Variants in DCLK1 observed in about 807,000 individuals in gnomAD.
DCLK1 encodes serine/threonine-protein kinase DCLK1.
A neutral mutation model predicts 86.2 loss-of-function variants in DCLK1; 16 were observed. That is an observed-to-expected ratio of 0.19 (90% CI 0.13 to 0.28). The LOEUF (loss-of-function observed/expected upper bound fraction) is 0.28, where lower values mean the gene tolerates loss of function less well. Ranked by LOEUF, DCLK1 falls within the 10% of genes least tolerant of loss-of-function variation. The pLI is 1.00. For missense variants in DCLK1, 590 were observed against 940.2 expected (o/e 0.63, Z 4.87); for synonymous variants, 369 against 370.5 (o/e 1.00, Z 0.05).
intron 3 of DCLK1, among the ~76,000 whole-genome samples, chr13:35,977,707 T>C (rs1011955887): frequency 2.0e-5 from 3 of 152,040 alleles, no homozygotes; most frequent in Middle Eastern, 3.4e-3. Flanking sequence ...TGAGAACAAA[T>C]GATTAGGTTT....
chr13:36,043,250 C>A (rs1282556907), intron 3 of DCLK1, among the ~76,000 whole-genome samples: 2 of 151,440 alleles, frequency 1.3e-5, no homozygotes, highest in Non-Finnish European at 2.9e-5. Flanking sequence ...TAAGACATTA[C>A]ATCCACAAAA....
chr13:35,809,778 C>G (rs555875050), intron 12 of DCLK1, among the ~76,000 whole-genome samples: 13 of 152,296 alleles, frequency 8.5e-5, no homozygotes, highest in African/African-American at 3.1e-4. Context: ...TCAAATTTGC[C>G]AAGTAGCAAA....
intron 3 of DCLK1, among the ~76,000 whole-genome samples, chr13:36,046,898 TC>T (rs1454466772): frequency 2.6e-5 from 4 of 152,176 alleles, no homozygotes; most frequent in Non-Finnish European, 5.9e-5. Flanking sequence ...ATCAGCTGTT[TC>T]CTGGGCAGCT....
At chr13:35,982,994 G>C (rs1190061466) in intron 3 of DCLK1, among the ~76,000 whole-genome samples, 4 of 152,058 alleles carry the variant, frequency 2.6e-5, no homozygotes, top group African/African-American at 9.7e-5. Context: ...CAACTCCTGA[G>C]CTCAAGTGAT....
At chr13:35,846,341 C>T (rs1870174896) in intron 6 of DCLK1, 10 of 985,284 alleles carry the variant, frequency 1.0e-5, no homozygotes, top group Non-Finnish European at 1.2e-5. Context: ...CTCAAAAACA[C>T]ATCACAGAAA....
chr13:35,893,401 T>A (rs928284515), intron 4 of DCLK1, among the ~76,000 whole-genome samples: 15 of 152,266 alleles, frequency 9.9e-5, no homozygotes, highest in African/African-American at 3.4e-4. Flanking sequence ...TTAACAACTT[T>A]GACAAAGTCA....
chr13:35,791,090 A>T (rs2086700314), intron 16 of DCLK1, among the ~76,000 whole-genome samples: 1 of 152,190 alleles, frequency 6.6e-6, no homozygotes, highest in Non-Finnish European at 1.5e-5. Context: ...TCATGTACAT[A>T]GTATGGTAGA....
chr13:36,109,376 G>C (rs1306639904), intron 3 of DCLK1, among the ~76,000 whole-genome samples: 4 of 152,174 alleles, frequency 2.6e-5, no homozygotes, highest in Non-Finnish European at 5.9e-5. Context: ...ACATCAGTTT[G>C]GTGCCTTAAC....
chr13:35,871,394 C>A, intron 4 of DCLK1, 54 bp from the exon 5 acceptor site: 1 of 1,371,708 alleles, frequency 7.3e-7, no homozygotes, highest in Non-Finnish European at 1.0e-6. Flanking sequence ...ACACACACAC[C>A]AACTCAAAAT....
chr13:35,872,568 T>C (rs1872343936), intron 4 of DCLK1, among the ~76,000 whole-genome samples: 1 of 152,212 alleles, frequency 6.6e-6, no homozygotes, highest in Admixed American at 6.5e-5. Flanking sequence ...ATCACTCCCT[T>C]AGGACAGATT....
In DCLK1 at chr13:35,793,392, T is replaced by C. The variant is rs2153099583; in HGVS notation, c.2032A>G (p.Thr678Ala). The C allele has an allele frequency of 6.2e-7, 1 of 1,609,082 alleles. No individual in the cohort carries two copies. The highest frequency in any genetic ancestry group is 8.5e-7 in the Non-Finnish European group (1 of 1,177,376). ...GCTATGACAGAAACTCCAGCTGCTGTGCTATTCGGCTTGGGGCCTGTGTTG... is the reference window on the plus strand; with the variant it reads ...GCTATGACAGAAACTCCAGCTGCTGCGCTATTCGGCTTGGGGCCTGTGTTG... ...HFNTGPKPNS[T>A]AAGVSVIATT... The change falls in exon 16 of 17, where the codon ACA (threonine) becomes GCA (alanine). Residue 678 changes from threonine to alanine, a missense_variant. Thr to Ala is a moderately conservative substitution (Grantham distance 58). Transcript: ENST00000360631.
chr13:36,007,422 T>C (rs1881027207), intron 3 of DCLK1, among the ~76,000 whole-genome samples: 1 of 152,234 alleles, frequency 6.6e-6, no homozygotes, highest in African/African-American at 2.4e-5. Flanking sequence ...GTCTTGAATT[T>C]GCAAAATCTT....
At chr13:35,788,082 A>C in intron 16 of DCLK1, 1 of 862,750 alleles carries the variant, frequency 1.2e-6, no homozygotes, top group Non-Finnish European at 2.0e-6. Flanking sequence ...GATTAAAATG[A>C]AACTGATAAA....
intron 5 of DCLK1, among the ~76,000 whole-genome samples, chr13:35,864,207 A>C (rs1871606834): frequency 6.6e-6 from 1 of 152,234 alleles, no homozygotes; most frequent in African/African-American, 2.4e-5. Context: ...ATTGGGCCTC[A>C]GTTATGTCTG....
intron 3 of DCLK1, among the ~76,000 whole-genome samples, chr13:36,032,570 G>A (rs565060545): frequency 6.6e-6 from 1 of 151,964 alleles, no homozygotes; most frequent in Non-Finnish European, 1.5e-5. Context: ...CCCACCACCC[G>A]CCATCAGTTG....
Position 35,808,246 on chromosome 13 carries a change from T to A in DCLK1, c.1841A>T (p.Asp614Val). 2 of 1,613,994 alleles carry A rather than the reference T, an allele frequency of 1.2e-6. No individual in the cohort carries two copies. Among genetic ancestry groups the A allele is most frequent in the Non-Finnish European group, 1.7e-6 (2 of 1,179,944 alleles). ...TACCTTTGCAGAATCGGAAACATTA[T>A]CCCAGTATGGAGAAGGAAAGTCCAC... The part of the protein sequence containing the change: ...GQVDFPSPYW[D>V]NVSDSAKELI... The change falls in exon 14 of 17, where the codon GAT (aspartate) becomes GTT (valine). Residue 614 changes from aspartate to valine, a missense_variant. Coordinates refer to ENST00000360631, the MANE Select transcript of DCLK1 (RefSeq NM_001330071.2).
chr13:36,125,032 A>C (rs1215947973), intron 2 of DCLK1, among the ~76,000 whole-genome samples: 2 of 152,158 alleles, frequency 1.3e-5, no homozygotes, highest in Non-Finnish European at 2.9e-5. Context: ...CTGCTTGCAT[A>C]AGATACCAGG....
intron 6 of DCLK1, 37 bp from the exon 7 acceptor site, chr13:35,839,213 G>A (rs985955208): frequency 1.9e-6 from 3 of 1,539,004 alleles, no homozygotes; most frequent in Non-Finnish European, 2.6e-6. Context: ...CAAAAACTGG[G>A]TCAGAATGCC....
At chr13:36,050,141 T>C (rs1335316725) in intron 3 of DCLK1, among the ~76,000 whole-genome samples, 14 of 152,196 alleles carry the variant, frequency 9.2e-5, no homozygotes, top group Admixed American at 9.2e-4. Context: ...TGTTAAACTT[T>C]CATTTTATAA....
Sources: gnomAD v4.1 joint callset for allele counts (sites outside exome capture counted in the v4.1 genomes callset) on GRCh38, gnomAD v4.1.1 for gene constraint, MANE v1.5 for transcripts, NCBI Gene and HGNC (gene_info 2026-07-23, HGNC 2026-07-21) for gene names.